RPS6KA2: variants seen among roughly 807,000 people sequenced by gnomAD.
RPS6KA2 encodes the protein ribosomal protein S6 kinase A2, also known as ribosomal protein S6 kinase alpha-2.
In RPS6KA2, 42 loss-of-function variants were observed where a neutral mutation model predicts 91.8. The ratio of observed to expected loss-of-function variants is 0.46; its 90% CI spans 0.36 to 0.59. RPS6KA2 has a LOEUF of 0.59. Ranked by LOEUF, RPS6KA2 falls within the 20% of genes least tolerant of loss-of-function variation. The probability of loss-of-function intolerance (pLI) is 0.00; values close to 1 mark genes in which losing one functional copy is unlikely to be tolerated. For synonymous variants in RPS6KA2, 414 were observed against 393.6 expected (o/e 1.05, Z -0.61); for missense variants, 798 against 978.5 (o/e 0.82, Z 2.46).
intron 2 of RPS6KA2, among the ~76,000 whole-genome samples, chr6:166,775,547 G>T (rs1312134044): frequency 6.6e-6 from 1 of 152,202 alleles, no homozygotes; most frequent in Non-Finnish European, 1.5e-5. Flanking sequence ...CCACGTTGTA[G>T]GAAGGCTGAA....
At position 166,648,023 on chromosome 6, in the gene RPS6KA2, T is replaced by C. The variant is rs111161641; in HGVS notation, c.124-109239A>G. Among the ~76,000 whole-genome samples the C allele has an allele frequency of 0.21, 18,124 of 85,940 alleles. 1,267 individuals are homozygous for C. Among genetic ancestry groups the C allele is most frequent in the Middle Eastern group, 0.37 (46 of 126 alleles). The allele number at this position is 85,940 out of a possible 152,430, so 56.4% of individuals were successfully genotyped here. On this transcript the variant is annotated intron_variant, in intron 2 of 21. Coordinates refer to the RPS6KA2 transcript ENST00000503859. The surrounding 1 kb of genome is among the most constrained non-coding windows in gnomAD (Gnocchi z 4.8). Reference sequence around the variant, plus strand: ...TCACACACGCACATGCTTACACACATACATACACACATGCTCTCACACACA... The same window carrying C: ...TCACACACGCACATGCTTACACACACACATACACACATGCTCTCACACACA...
At chr6:166,457,434 A>G (rs931973433) in intron 12 of RPS6KA2, among the ~76,000 whole-genome samples, 3 of 152,204 alleles carry the variant, frequency 2.0e-5, no homozygotes, top group African/African-American at 4.8e-5. Context: ...GGAAGCTGAG[A>G]ATGGGGTGAG....
At chr6:166,828,390 G>A (rs1780098561) in intron 2 of RPS6KA2, among the ~76,000 whole-genome samples, 1 of 152,232 alleles carries the variant, frequency 6.6e-6, no homozygotes, top group African/African-American at 2.4e-5. Context: ...CCAGTCCCCA[G>A]TGCTAAATGA....
chr6:166,546,482 CT>C (rs35709035), intron 1 of RPS6KA2, among the ~76,000 whole-genome samples: 50,665 of 144,168 alleles, frequency 0.35, 8,489 homozygotes, highest in East Asian at 0.63. Flanking sequence ...ACTGGGAAAA[CT>C]TTTTTTTTTT....
At chr6:166,529,077 A>G (rs1418024545) in intron 3 of RPS6KA2, among the ~76,000 whole-genome samples, 1 of 152,228 alleles carries the variant, frequency 6.6e-6, no homozygotes, top group South Asian at 2.1e-4. Flanking sequence ...CTGGGTATAT[A>G]CCCAAAGGAT....
Position 166,508,269 on chromosome 6 carries a change from T to C in RPS6KA2, c.393A>G (p.Glu131=). 6.2e-7 allele frequency: 1 copy of C among 1,612,604 alleles called. No individual in the cohort carries two copies. Among genetic ancestry groups the C allele is most frequent in the South Asian group, 1.1e-5 (1 of 91,036 alleles). Residue 131 remains glutamate, a synonymous_variant, in exon 5 of 21, where the codon GAA becomes GAG. Transcript: ENST00000265678. The surrounding 1 kb of genome is among the most constrained non-coding windows in gnomAD (Gnocchi z 4.3). ...AGTCCAGGATCAGGTAGAGCTTTCC[T>C]TCCGTCTGAAAGGCTGTGGGGGACA... The part of the protein sequence containing the change: ...IVKLHYAFQT[E]GKLYLILDFL...
chr6:166,754,518 C>T (rs1393211783), intron 2 of RPS6KA2, among the ~76,000 whole-genome samples: 1 of 152,068 alleles, frequency 6.6e-6, no homozygotes, highest in Non-Finnish European at 1.5e-5. Flanking sequence ...CCCTCGCTGG[C>T]TGGTACTGGG....
intron 10 of RPS6KA2, among the ~76,000 whole-genome samples, chr6:166,485,857 C>T (rs1287673492): frequency 1.3e-5 from 2 of 152,220 alleles, no homozygotes; most frequent in Non-Finnish European, 2.9e-5. Context: ...CTGTCCAAGG[C>T]TGCATCTCCC....
At chr6:166,781,016 G>A (rs1778755951) in intron 2 of RPS6KA2, among the ~76,000 whole-genome samples, 1 of 152,178 alleles carries the variant, frequency 6.6e-6, no homozygotes, top group Non-Finnish European at 1.5e-5. Flanking sequence ...CCTACTAGAA[G>A]CTCCAGTTCC....
intron 2 of RPS6KA2, among the ~76,000 whole-genome samples, chr6:166,759,800 C>T (rs569586329): frequency 3.9e-5 from 6 of 152,346 alleles, no homozygotes; most frequent in South Asian, 2.1e-4. Context: ...TCAGCTCCTG[C>T]GGAAGACACA....
At chr6:166,530,295 A>G (rs535870217) in intron 3 of RPS6KA2, among the ~76,000 whole-genome samples, 2 of 152,036 alleles carry the variant, frequency 1.3e-5, no homozygotes, top group South Asian at 2.1e-4. Flanking sequence ...AGGTTTCCCC[A>G]TAAGCTGGAC....
At chr6:166,809,743 G>C (rs1213171924) in intron 2 of RPS6KA2, among the ~76,000 whole-genome samples, 1 of 152,214 alleles carries the variant, frequency 6.6e-6, no homozygotes, top group African/African-American at 2.4e-5. Flanking sequence ...GGTGGGTGCA[G>C]GTGGCACAGC....
At chr6:166,694,462 GGA>G (rs1562387310) in intron 2 of RPS6KA2, among the ~76,000 whole-genome samples, 2 of 152,184 alleles carry the variant, frequency 1.3e-5, no homozygotes, top group Admixed American at 6.5e-5. Context: ...ACTAAATTGT[GGA>G]GAGATTTCTA....
In RPS6KA2 at chr6:166,451,137, T is replaced by C; in HGVS notation, c.1172A>G (p.Asp391Gly). The C allele has an allele frequency of 6.2e-7, 1 of 1,614,030 alleles. No individual in the cohort carries two copies. The highest frequency in any genetic ancestry group is 1.1e-5 in the South Asian group (1 of 91,076). The change falls in exon 13 of 21, where the codon GAT becomes GGT. Residue 391 changes from aspartate (D) to glycine (G), a missense_variant. Asp to Gly is a moderately conservative substitution (Grantham distance 94, BLOSUM62 -1). Transcript: ENST00000265678. Reference protein sequence around the residue: ...SSLIQEPSQQDLHKVPVHPIV... With the variant: ...SSLIQEPSQQGLHKVPVHPIV... ...TGGGTGAACTGGGACTTTGTGCAGA[T>C]CTTGCTGTGAGGGCTCCTGGATCAG...
intron 3 of RPS6KA2, among the ~76,000 whole-genome samples, chr6:166,515,347 G>C (rs1782611717): frequency 6.6e-6 from 1 of 152,156 alleles, no homozygotes; most frequent in Non-Finnish European, 1.5e-5. Flanking sequence ...CCCGCAGCTG[G>C]GTCTGTGATG....
In RPS6KA2 at chr6:166,417,850, G is replaced by C. The variant is rs190576082; in HGVS notation, c.1938+375C>G. ...GGAGGCTGAGGTGGGTGGATCACTT[G>C]AGGTCAGGAGTTCAAGACCAGCCTG... On this transcript the variant is annotated intron_variant, in intron 19 of 20. Transcript: ENST00000265678. Among the ~76,000 whole-genome samples, 294 of 152,242 alleles carry C rather than the reference G, an allele frequency of 1.9e-3. 1 individual carries two copies. The highest frequency in any genetic ancestry group is 2.2e-3 in the Non-Finnish European group (148 of 68,020).
At chr6:166,859,085 G>A (rs1012233655) in intron 1 of RPS6KA2, among the ~76,000 whole-genome samples, 11 of 152,216 alleles carry the variant, frequency 7.2e-5, no homozygotes, top group Non-Finnish European at 1.6e-4. Context: ...CACGCAAAGT[G>A]AACTGCTGTC....
chr6:166,501,564 G>A (rs148747641), intron 6 of RPS6KA2, among the ~76,000 whole-genome samples: 167 of 152,306 alleles, frequency 1.1e-3, no homozygotes, highest in East Asian at 6.4e-3. Context: ...GCCATGTGCC[G>A]GACGTGACAG....
intron 3 of RPS6KA2, among the ~76,000 whole-genome samples, chr6:166,524,985 T>C (rs1247142597): frequency 6.6e-6 from 1 of 151,886 alleles, no homozygotes; most frequent in Non-Finnish European, 1.5e-5. Flanking sequence ...CAACTTAGAG[T>C]CTCCCAGAGG....
Sources: allele counts gnomAD v4.1 joint callset (sites outside exome capture counted in the v4.1 genomes callset), GRCh38; gene constraint gnomAD v4.1.1; non-coding constraint Gnocchi (gnomAD v3.1); transcripts MANE v1.5; gene names NCBI Gene and HGNC (gene_info 2026-07-23, HGNC 2026-07-21).